The following GTF2B variants were observed in gnomAD, a reference collection of about 807,000 sequenced individuals.
GTF2B encodes general transcription factor IIB.
A neutral mutation model predicts 34.6 loss-of-function variants in GTF2B; 20 were observed. The observed-to-expected ratio is 0.58, with a 90% CI of 0.41 to 0.84. The LOEUF is 0.84. GTF2B is among the 40% of genes least tolerant of loss of function. The pLI is 0.00. For synonymous variants in GTF2B, 142 were observed against 132.4 expected, an observed-to-expected ratio of 1.07 and a Z score of -0.50; for missense variants, 237 against 393.3, an observed-to-expected ratio of 0.60 and a Z score of 3.36.
At chr1:88,877,681 C>T (rs1009721349) in intron 2 of GTF2B, among the ~76,000 whole-genome samples, 15 of 152,224 alleles carry the variant, frequency 9.9e-5, no homozygotes, top group Non-Finnish European at 5.9e-5. Context: ...CCTGTAATCC[C>T]AGCATTCTGG....
intron 2 of GTF2B, among the ~76,000 whole-genome samples, chr1:88,871,846 T>C (rs925731113): frequency 6.6e-6 from 1 of 152,040 alleles, no homozygotes; most frequent in South Asian, 2.1e-4. Context: ...ATTCTCCTAA[T>C]TCAGCCTCCC....
chr1:88,857,531 T>C (rs754605272), intron 5 of GTF2B, 44 bp from the exon 6 acceptor site: 1 of 984,866 alleles, frequency 1.0e-6, no homozygotes, highest in Non-Finnish European at 1.5e-6. Flanking sequence ...TTAAGCCATA[T>C]AGTTCATCTT....
intron 5 of GTF2B, 82 bp from the exon 6 acceptor site, chr1:88,857,569 TA>T (rs1673340851): frequency 2.9e-6 from 2 of 684,914 alleles, no homozygotes; most frequent in Non-Finnish European, 5.0e-6. Flanking sequence ...ATTATAAACA[TA>T]ATATACATTC....
chr1:88,856,805 T>G (rs965731592), intron 6 of GTF2B, among the ~76,000 whole-genome samples: 7 of 26,776 alleles, frequency 2.6e-4, no homozygotes, highest in African/African-American at 9.0e-4. Flanking sequence ...TAAACGTGGG[T>G]TTTTTTTTTT....
intron 1 of GTF2B, among the ~76,000 whole-genome samples, chr1:88,891,134 C>CGGGGGGGGGGGGGGGGG (rs1486298401): frequency 6.2e-4 from 1 of 1,610 alleles, no homozygotes; most frequent in African/African-American, 2.8e-3. Context: ...GGGGGGGGCG[C>CGGGGGGGGGGGGGGGGG]GGGGGAGGAG....
In GTF2B at chr1:88,865,558, C is replaced by A. The variant is rs1232489429; in HGVS notation, c.125-1444G>T. 2.0e-5 allele frequency among the ~76,000 whole-genome samples: 3 copies of A among 151,952 alleles called. No homozygotes were observed. The East Asian group carries it at 5.8e-4, about 29-fold the overall frequency. ...CCAAGATGGAGAAACCCCGTCTCTA[C>A]TAAAAATACAAAATTAGTTGGTCAT... On this transcript the variant is annotated intron_variant, in intron 2 of 6. Transcript: ENST00000370500.
At chr1:88,870,504 T>C (rs962730366) in intron 2 of GTF2B, among the ~76,000 whole-genome samples, 1 of 152,226 alleles carries the variant, frequency 6.6e-6, no homozygotes, top group African/African-American at 2.4e-5. Flanking sequence ...TTTCAAAGTA[T>C]GATGTATGCC....
chr1:88,864,646 C>T (rs1307342661), intron 2 of GTF2B, among the ~76,000 whole-genome samples: 1 of 152,296 alleles, frequency 6.6e-6, no homozygotes, highest in East Asian at 1.9e-4. Context: ...GCCTAGAATC[C>T]GTGAGAAGAA....
In GTF2B at chr1:88,853,290, T is replaced by C. The variant is rs753106373; in HGVS notation, c.874A>G (p.Ile292Val). The C allele has an allele frequency of 1.2e-6, 2 of 1,610,456 alleles. No individual in the cohort carries two copies. Among genetic ancestry groups the C allele is most frequent in the Non-Finnish European group, 1.7e-6 (2 of 1,176,664 alleles). ...AACAGATCTGGGGCTCGAGGATAGA[T>C]CAGTCTATAGGACTGTCTGATTGTA... ...DVTIRQSYRL[I>V]YPRAPDLFPT... is the part of the protein sequence containing the mutation. The change falls in exon 7 of 7, where the codon ATC (isoleucine) becomes GTC (valine). Residue 292 changes from isoleucine to valine, a missense_variant. This residue lies in a region of GTF2B where 78 missense variants were observed against 116.6 expected (regional missense o/e 0.67). Coordinates refer to ENST00000370500, the MANE Select transcript of GTF2B (RefSeq NM_001514.6).
At chr1:88,867,654 T>A (rs1379824049) in intron 2 of GTF2B, among the ~76,000 whole-genome samples, 4 of 152,198 alleles carry the variant, frequency 2.6e-5, no homozygotes, top group Non-Finnish European at 5.9e-5. Context: ...TATGCCCACA[T>A]CTTTTAAGTC....
Position 88,864,098 on chromosome 1 carries a change from A to G in GTF2B, c.141T>C (p.Asp47=). Residue 47 remains aspartate (D), a synonymous_variant, in exon 3 of 7, where the codon GAT becomes GAC. Transcript: ENST00000370500. ...TGAAAGTTCGCCATTCAGATCCCAC[A>G]TCAATAACCCGGTCACCTAAGAATA... is the stretch of plus-strand genomic sequence containing the variant. ...CGLVVGDRVI[D]VGSEWRTFSN... 1 of 1,614,024 alleles carries G rather than the reference A, an allele frequency of 6.2e-7. No individual in the cohort carries two copies. The highest frequency in any genetic ancestry group is 1.3e-5 in the African/African-American group (1 of 75,068).
chr1:88,885,766 A>G (rs1170836112), intron 2 of GTF2B, among the ~76,000 whole-genome samples: 1 of 152,242 alleles, frequency 6.6e-6, no homozygotes, highest in Non-Finnish European at 1.5e-5. Flanking sequence ...ACAAACGAAG[A>G]AAAACTTTAT....
At chr1:88,878,391 C>A (rs1024422412) in intron 2 of GTF2B, among the ~76,000 whole-genome samples, 1 of 152,134 alleles carries the variant, frequency 6.6e-6, no homozygotes, top group African/African-American at 2.4e-5. Flanking sequence ...AAATAAAAAT[C>A]TTGTAATTCA....
At chr1:88,888,599 G>C (rs1274167703) in intron 1 of GTF2B, among the ~76,000 whole-genome samples, 1 of 152,190 alleles carries the variant, frequency 6.6e-6, no homozygotes, top group Non-Finnish European at 1.5e-5. Context: ...AGGAGGCCAT[G>C]TGCAACACGT....
rs1487495142 is a variant in GTF2B at position 88,891,473 on chromosome 1, A to G, written c.17+10T>C. 1.9e-6 allele frequency: 3 copies of G among 1,599,702 alleles called. No homozygotes were observed. In the Admixed American group the frequency reaches 5.2e-5, roughly 28 times the overall value. On this transcript the variant is annotated intron_variant, in intron 1 of 6. Transcript: ENST00000370500. The stretch of plus-strand genomic sequence containing the variant: ...CCCTCAGCTCGCCGGGCTCGGCGGG[A>G]CATACTAACCGGCTGGTAGACGCCA...
chr1:88,872,724 T>C (rs1351057672), intron 2 of GTF2B, among the ~76,000 whole-genome samples: 1 of 152,174 alleles, frequency 6.6e-6, no homozygotes, highest in Non-Finnish European at 1.5e-5. Flanking sequence ...TGTGGGTGTA[T>C]CTCAGGTTTG....
chr1:88,876,111 G>A (rs1673811150), intron 2 of GTF2B, among the ~76,000 whole-genome samples: 1 of 152,112 alleles, frequency 6.6e-6, no homozygotes, highest in Non-Finnish European at 1.5e-5. Context: ...GGCTTACAAG[G>A]GATGCCAAAG....
chr1:88,855,695 C>T (rs1410492975), intron 6 of GTF2B, among the ~76,000 whole-genome samples: 4 of 152,112 alleles, frequency 2.6e-5, no homozygotes, highest in Non-Finnish European at 5.9e-5. Context: ...ACTCCATCAA[C>T]CCAGGCTGGA....
intron 6 of GTF2B, among the ~76,000 whole-genome samples, chr1:88,856,286 A>AAAAAAAAAAAAAAAAAAAG (rs1673309323): frequency 5.0e-5 from 5 of 100,570 alleles, no homozygotes; most frequent in African/African-American, 1.3e-4. Context: ...AAAAAAAAAA[A>AAAAAAAAAAAAAAAAAAAG]AAAACAAAAA....
Sources: allele counts gnomAD v4.1 joint callset (sites outside exome capture counted in the v4.1 genomes callset), GRCh38; gene constraint gnomAD v4.1.1; regional missense constraint gnomAD v4.1.1; transcripts MANE v1.5; gene names NCBI Gene and HGNC (gene_info 2026-07-23, HGNC 2026-07-21).